RNF216: variants seen among roughly 807,000 people sequenced by gnomAD.
The protein encoded by RNF216 is E3 ubiquitin-protein ligase RNF216.
A neutral mutation model predicts 110.8 loss-of-function variants in RNF216; 72 were observed. The ratio of observed to expected loss-of-function variants is 0.65; its 90% CI spans 0.54 to 0.79. The LOEUF (loss-of-function observed/expected upper bound fraction) is 0.79, where lower values mean the gene tolerates loss of function less well. Ranked by LOEUF, RNF216 falls within the 30% of genes least tolerant of loss-of-function variation. RNF216 has a pLI of 0.00. For synonymous variants in RNF216, 495 were observed against 407.5 expected (o/e 1.21, Z -2.59); for missense variants, 1,342 against 1,141.2 (o/e 1.18, Z -2.54).
At chr7:5,755,570 G>T (rs1403725076) in intron 2 of RNF216, among the ~76,000 whole-genome samples, 1 of 152,182 alleles carries the variant, frequency 6.6e-6, no homozygotes, top group African/African-American at 2.4e-5. Flanking sequence ...AGTTTTGCAT[G>T]TTTTTGAGTA....
chr7:5,632,098 A>T (rs1284653123), intron 15 of RNF216, among the ~76,000 whole-genome samples: 1 of 152,216 alleles, frequency 6.6e-6, no homozygotes, highest in Non-Finnish European at 1.5e-5. Flanking sequence ...TGCATGGCTC[A>T]GGCTGGGTTG....
chr7:5,632,756 G>A (rs374494024), intron 15 of RNF216, among the ~76,000 whole-genome samples: 19 of 151,982 alleles, frequency 1.3e-4, no homozygotes, highest in African/African-American at 4.6e-4. Context: ...CAGCCTGGGC[G>A]ACAAGAGCAA....
intron 13 of RNF216, among the ~76,000 whole-genome samples, chr7:5,700,878 G>A (rs1308760403): frequency 3.3e-5 from 5 of 152,140 alleles, no homozygotes; most frequent in Non-Finnish European, 7.3e-5. Flanking sequence ...AATGCACCAA[G>A]AAGACAAACC....
At chr7:5,623,336 C>T (rs1366540021) in intron 16 of RNF216, among the ~76,000 whole-genome samples, 157 bp from the exon 17 acceptor site, 1 of 152,218 alleles carries the variant, frequency 6.6e-6, no homozygotes, top group Non-Finnish European at 1.5e-5. Context: ...TGCAAGAAAC[C>T]AAGAACAAAT....
chr7:5,740,906 G>GA (rs139686645), intron 4 of RNF216, 67 bp downstream of exon 4: 133,531 of 1,063,072 alleles, frequency 0.13, 718 homozygotes, highest in Admixed American at 0.13. Flanking sequence ...TTTTTGCAAT[G>GA]AAAAAAAAAA....
At chr7:5,662,213 C>T (rs572246684) in intron 13 of RNF216, among the ~76,000 whole-genome samples, 2 of 152,276 alleles carry the variant, frequency 1.3e-5, no homozygotes, top group South Asian at 2.1e-4. Context: ...TTACTGGTAA[C>T]GATAGGAACC....
At position 5,729,558 on chromosome 7, in the gene RNF216, G is replaced by T. The variant is rs142641769; in HGVS notation, c.1263C>A (p.Thr421=). The T allele has an allele frequency of 2.5e-5, 40 of 1,613,912 alleles. No homozygotes were observed. In the African/African-American group the frequency reaches 4.8e-4, roughly 19 times the overall value. The change falls in exon 7 of 17, where the codon ACC becomes ACA. Residue 421 remains threonine, a synonymous_variant. Coordinates refer to ENST00000389902, the MANE Select transcript of RNF216 (RefSeq NM_207111.4). ...KIDFFDYSKL[T]PLDQRCFIQA... is the part of the protein sequence containing the mutation. ...GGATGAAGCAGCGCTGGTCAAGAGG[G>T]GTCAATTTAGAATAGTCAAAAAAGT...
intron 2 of RNF216, among the ~76,000 whole-genome samples, chr7:5,760,761 T>G (rs562560725): frequency 2.0e-5 from 3 of 152,204 alleles, no homozygotes; most frequent in African/African-American, 4.8e-5. Context: ...GACTGCATAT[T>G]AACAGCGTCT....
rs901496961 is a variant in RNF216, at chr7:5,622,524, G to A, written c.*336C>T. On this transcript the variant is annotated 3_prime_UTR_variant, in exon 17 of 17. Transcript: ENST00000389902. ...GCCTTGCTACCCAGGGGTCGGCTCCGAGGAGAGGCCCAGGTGTGAGCAGCA... is the reference window on the plus strand; with the variant it reads ...GCCTTGCTACCCAGGGGTCGGCTCCAAGGAGAGGCCCAGGTGTGAGCAGCA... 8.1e-6 allele frequency: 2 copies of A among 245,672 alleles called. No homozygotes were observed. Among genetic ancestry groups the A allele is most frequent in the Middle Eastern group, 1.3e-3 (1 of 768 alleles). The allele number at this position is 245,672 out of a possible 1,614,324, so 15.2% of individuals were successfully genotyped here. A position where few individuals can be genotyped will look rare whatever the true frequency, so the allele number is the denominator to read the frequency against.
intron 1 of RNF216, among the ~76,000 whole-genome samples, chr7:5,776,947 AAAAAG>A (rs1298672072): frequency 1.1e-3 from 130 of 121,614 alleles, no homozygotes; most frequent in East Asian, 5.6e-3. Flanking sequence ...AGAGAGAGAA[AAAAAG>A]AAAGAAAGAA....
At chr7:5,635,047 C>A (rs1366003375) in intron 15 of RNF216, among the ~76,000 whole-genome samples, 3 of 152,182 alleles carry the variant, frequency 2.0e-5, no homozygotes, top group African/African-American at 7.2e-5. Flanking sequence ...GAGCCAGACA[C>A]TGGTTGGAAG....
At chr7:5,778,338 C>G (rs150837969) in intron 1 of RNF216, among the ~76,000 whole-genome samples, 1 of 152,178 alleles carries the variant, frequency 6.6e-6, no homozygotes, top group Non-Finnish European at 1.5e-5. Context: ...ATTCATTGTT[C>G]GGTTCTTTGC....
At chr7:5,761,537 C>T (rs1181653556) in intron 1 of RNF216, among the ~76,000 whole-genome samples, 1 of 152,128 alleles carries the variant, frequency 6.6e-6, no homozygotes, top group Admixed American at 6.5e-5. Context: ...CCTACAATCC[C>T]AGCACTTTGG....
intron 3 of RNF216, among the ~76,000 whole-genome samples, chr7:5,749,044 A>G (rs1397681703): frequency 6.6e-6 from 1 of 152,174 alleles, no homozygotes; most frequent in African/African-American, 2.4e-5. Flanking sequence ...TATCAGAAAA[A>G]CAGGACCTAA....
intron 1 of RNF216, among the ~76,000 whole-genome samples, chr7:5,765,545 G>A (rs1796158376): frequency 6.6e-6 from 1 of 151,890 alleles, no homozygotes; most frequent in Non-Finnish European, 1.5e-5. Context: ...CAGGAGGACT[G>A]CTTGAGCCCA....
chr7:5,685,881 T>C (rs377659380), intron 13 of RNF216, among the ~76,000 whole-genome samples: 2 of 152,172 alleles, frequency 1.3e-5, no homozygotes, highest in African/African-American at 4.8e-5. Context: ...TTCTTTATAT[T>C]TGGAGCACTA....
At chr7:5,767,662 G>A (rs1045187903) in intron 1 of RNF216, among the ~76,000 whole-genome samples, 5 of 150,840 alleles carry the variant, frequency 3.3e-5, no homozygotes, top group African/African-American at 9.8e-5. Flanking sequence ...GTAATGGTGC[G>A]ATCTTGGCTC....
intron 13 of RNF216, among the ~76,000 whole-genome samples, chr7:5,658,829 G>A (rs1788914988): frequency 1.3e-5 from 2 of 152,096 alleles, no homozygotes; most frequent in African/African-American, 4.8e-5. Context: ...CGCTGGGGGT[G>A]TCCTCTGCAC....
chr7:5,742,633 T>C (rs1326929526), intron 3 of RNF216, among the ~76,000 whole-genome samples: 1 of 140,290 alleles, frequency 7.1e-6, no homozygotes, highest in African/African-American at 2.7e-5. Flanking sequence ...TCTCGCTCTA[T>C]TGCCCAGGCT....
Sources: gnomAD v4.1 joint callset for allele counts (sites outside exome capture counted in the v4.1 genomes callset) on GRCh38, gnomAD v4.1.1 for gene constraint, MANE v1.5 for transcripts, NCBI Gene and HGNC (gene_info 2026-07-23, HGNC 2026-07-21) for gene names.